NBEA: variants seen among roughly 807,000 people sequenced by gnomAD.
NBEA encodes the protein lysosomal-trafficking regulator 2.
Under a neutral mutation model 343.4 loss-of-function variants are expected in NBEA, and 44 were observed. That is an observed-to-expected ratio of 0.13 (90% CI 0.10 to 0.16). NBEA has a LOEUF of 0.16. Ranked by LOEUF, NBEA falls within the 10% of genes least tolerant of loss-of-function variation. NBEA has a pLI of 1.00. For missense variants in NBEA, 2,555 were observed against 3,631.3 expected, an observed-to-expected ratio of 0.70 and a Z score of 7.62; for synonymous variants, 1,175 against 1,238.7, an observed-to-expected ratio of 0.95 and a Z score of 1.08.
Position 35,041,094 on chromosome 13 carries a change from G to T in NBEA, c.456G>T (p.Gln152His), listed in dbSNP as rs749197311. 35 of 1,613,006 alleles carry T rather than the reference G, an allele frequency of 2.2e-5. No individual in the cohort carries two copies. The highest frequency in any genetic ancestry group is 2.8e-5 in the Non-Finnish European group (33 of 1,179,460). The change falls in exon 2 of 59, where the codon CAG (glutamine) becomes CAT (histidine). Residue 152 changes from glutamine to histidine, a missense_variant. By Grantham distance (24) the Gln-to-His change is conservative. Coordinates refer to ENST00000379939, the MANE Select transcript of NBEA (RefSeq NM_001385012.1). ...TACGAAAAAGTGTTCGGAATTTACA[G>T]ACTAGCACAGAAGTTGGGCTAATTG... is the stretch of plus-strand genomic sequence containing the variant. ...AILRKSVRNLQTSTEVGLIEQ... is the reference protein window; with the variant it reads ...AILRKSVRNLHTSTEVGLIEQ...
At chr13:35,473,168 A>G (rs551357894) in intron 41 of NBEA, among the ~76,000 whole-genome samples, 2 of 152,308 alleles carry the variant, frequency 1.3e-5, no homozygotes, top group Non-Finnish European at 2.9e-5. Flanking sequence ...CATATTTATT[A>G]AATGTTATTG....
Position 35,349,187 on chromosome 13 carries a change from G to A in NBEA, c.5983G>A (p.Glu1995Lys), listed in dbSNP as rs1325457921. Residue 1995 changes from glutamate to lysine, a missense_variant, in exon 37 of 59, where the codon GAG becomes AAG. This residue lies in a region of NBEA where 84 missense variants were observed against 196.4 expected (regional missense o/e 0.43). Transcript: ENST00000379939. ...GTTTATTTTGAACAGACAAAGAGCCGAGGATGTACATAAACATGCAGAGTT... is the reference window on the plus strand; with the variant it reads ...GTTTATTTTGAACAGACAAAGAGCCAAGGATGTACATAAACATGCAGAGTT... ...AEFILNRQRA[E>K]DVHKHAEFES... 1.2e-6 allele frequency: 2 copies of A among 1,603,596 alleles called. No individual in the cohort carries two copies. Among genetic ancestry groups the A allele is most frequent in the Non-Finnish European group, 1.7e-6 (2 of 1,173,948 alleles).
At chr13:35,665,478 T>A (rs372803558) in intron 56 of NBEA, among the ~76,000 whole-genome samples, 2 of 152,194 alleles carry the variant, frequency 1.3e-5, no homozygotes, top group Admixed American at 6.5e-5. Context: ...AAGGGGAAAG[T>A]ATCCCTGATG....
intron 39 of NBEA, among the ~76,000 whole-genome samples, chr13:35,443,023 G>A (rs1226820215): frequency 6.6e-6 from 1 of 152,020 alleles, no homozygotes; most frequent in African/African-American, 2.4e-5. Context: ...TTGGTGTTAG[G>A]TAGCCATTTT....
chr13:35,552,967 C>T (rs945370445), intron 43 of NBEA, among the ~76,000 whole-genome samples: 3 of 151,854 alleles, frequency 2.0e-5, no homozygotes, highest in Admixed American at 6.6e-5. Flanking sequence ...CTCAGCTCAC[C>T]GCAGCCTTGA....
At chr13:35,175,722 CT>C (rs555756169) in intron 27 of NBEA, among the ~76,000 whole-genome samples, 42 of 151,142 alleles carry the variant, frequency 2.8e-4, no homozygotes, top group Non-Finnish European at 4.4e-4. Flanking sequence ...AGTGGTGTTT[CT>C]TTTTTTTTCC....
intron 1 of NBEA, among the ~76,000 whole-genome samples, chr13:35,000,940 A>G (rs1296744872): frequency 6.6e-6 from 1 of 152,072 alleles, no homozygotes; most frequent in Admixed American, 6.6e-5. Context: ...ACTTGGCAGC[A>G]ATGATAACAT....
chr13:35,157,069 T>C lies in NBEA; in HGVS notation c.2652-9T>C, dbSNP rs1324087211. 6.6e-7 allele frequency: 1 copy of C among 1,514,512 alleles called. No individual in the cohort carries two copies. Among genetic ancestry groups the C allele is most frequent in the African/African-American group, 1.4e-5 (1 of 71,090 alleles). The allele number at this position is 1,514,512 out of a possible 1,614,324, so 93.8% of individuals were successfully genotyped here. On this transcript the variant is annotated splice_polypyrimidine_tract_variant and intron_variant, in intron 20 of 58. Coordinates refer to ENST00000379939, the MANE Select transcript of NBEA (RefSeq NM_001385012.1). ...TATTTTTAATGAGATCAAATTTTTT[T>C]CTCCCTAGATGCTTATTGCAGTGTT...
chr13:35,404,690 A>G (rs1196352171), intron 38 of NBEA, among the ~76,000 whole-genome samples: 2 of 151,096 alleles, frequency 1.3e-5, no homozygotes, highest in East Asian at 2.0e-4. Flanking sequence ...CCAGCATGGC[A>G]CATGTATACA....
chr13:35,143,909 A>AAAAAAC (rs2152697405), intron 18 of NBEA, among the ~76,000 whole-genome samples: 1 of 151,352 alleles, frequency 6.6e-6, no homozygotes, highest in East Asian at 1.9e-4. Flanking sequence ...AAAACAAAAA[A>AAAAAAC]AAAAACAAAA....
intron 41 of NBEA, among the ~76,000 whole-genome samples, chr13:35,524,431 G>A (rs1344578040): frequency 6.6e-6 from 1 of 152,096 alleles, no homozygotes; most frequent in East Asian, 1.9e-4. Context: ...ATTCCCCCAA[G>A]TACTTAGTAG....
intron 46 of NBEA, among the ~76,000 whole-genome samples, chr13:35,585,642 A>G (rs1593294316): frequency 6.6e-6 from 1 of 152,064 alleles, no homozygotes; most frequent in East Asian, 1.9e-4. Flanking sequence ...TTCCTGACCC[A>G]TATTTCCAAG....
In NBEA at chr13:35,187,204, C is replaced by G. The variant is rs540242260; in HGVS notation, c.4927+3133C>G. ...TTGAGAAACCCTTTTCTGGACTACT[C>G]TTCAGCTCCTTCACACCCCACTCCC... is the stretch of plus-strand genomic sequence containing the variant. On this transcript the variant is annotated intron_variant, in intron 30 of 58. Transcript: ENST00000379939. 1.1e-4 allele frequency among the ~76,000 whole-genome samples: 17 copies of G among 151,896 alleles called. No homozygotes were observed. In the South Asian group the frequency reaches 2.3e-3, roughly 20 times the overall value.
rs151168729 is a variant in NBEA, at chr13:35,585,249, C to T, written c.7176+1211C>T. 7.2e-5 allele frequency among the ~76,000 whole-genome samples: 11 copies of T among 151,930 alleles called. No individual in the cohort carries two copies. In the South Asian group the frequency reaches 8.3e-4, roughly 11 times the overall value. On this transcript the variant is annotated intron_variant, in intron 46 of 58. Coordinates refer to ENST00000379939, the MANE Select transcript of NBEA (RefSeq NM_001385012.1). ...TGCTGTCCTGCAGTGCACTGTGGTA[C>T]CTGTTGCCTCTACTTTATCACCTCC...
At chr13:35,293,794 G>C (rs1400025709) in intron 35 of NBEA, among the ~76,000 whole-genome samples, 1 of 151,928 alleles carries the variant, frequency 6.6e-6, no homozygotes, top group African/African-American at 2.4e-5. Flanking sequence ...ATATACTCCA[G>C]GAAAAGTGGA....
chr13:35,125,149 A>T (rs1291028628), intron 17 of NBEA, among the ~76,000 whole-genome samples: 1 of 152,164 alleles, frequency 6.6e-6, no homozygotes, highest in Non-Finnish European at 1.5e-5. Flanking sequence ...TGTATAAATG[A>T]TACAACAAGA....
rs553506961 is a variant in NBEA, at chr13:35,448,560, C to T, written c.6305-3532C>T. Among the ~76,000 whole-genome samples the T allele has an allele frequency of 6.6e-5, 10 of 152,270 alleles. No individual in the cohort carries two copies. The East Asian group carries it at 1.2e-3, about 18-fold the overall frequency. On this transcript the variant is annotated intron_variant, in intron 39 of 58. Transcript: ENST00000379939. The stretch of plus-strand genomic sequence containing the variant: ...TATTCAGGATTTATGAGGGCTTGCT[C>T]TGTGCTAGGCAGTGTGCTAAGTACT...
At chr13:35,217,823 T>C (rs554871333) in intron 33 of NBEA, among the ~76,000 whole-genome samples, 3 of 152,086 alleles carry the variant, frequency 2.0e-5, no homozygotes, top group African/African-American at 7.2e-5. Context: ...CTCTCAGTGA[T>C]GTTTGTGTTG....
In NBEA at chr13:35,410,248, T is replaced by C. The variant is rs557957480; in HGVS notation, c.6180-22021T>C. Among the ~76,000 whole-genome samples the C allele has an allele frequency of 3.3e-5, 5 of 152,128 alleles. No individual in the cohort carries two copies. The South Asian group carries it at 1.0e-3, about 32-fold the overall frequency. On this transcript the variant is annotated intron_variant, in intron 38 of 58. Transcript: ENST00000379939. ...CACATGGAGAAGGCACAAATTAGTC[T>C]GGCTTTAAAACATTGAACTAAAAAC...
Sources: allele counts gnomAD v4.1 joint callset (sites outside exome capture counted in the v4.1 genomes callset), GRCh38; gene constraint gnomAD v4.1.1; regional missense constraint gnomAD v4.1.1; transcripts MANE v1.5; gene names NCBI Gene and HGNC (gene_info 2026-07-23, HGNC 2026-07-21).